Variants in CAV2 observed in about 807,000 individuals in gnomAD.
The protein encoded by CAV2 is caveolin 2.
A neutral mutation model predicts 15.5 loss-of-function variants in CAV2; 7 were observed. The ratio of observed to expected loss-of-function variants is 0.45; its 90% CI spans 0.26 to 0.85. The LOEUF is 0.85. Among genes scored for constraint, CAV2 ranks in the 40% least tolerant of loss-of-function variants. The pLI, the probability that CAV2 is intolerant of heterozygous loss-of-function variation, is 0.18. For synonymous variants in CAV2, 76 were observed against 83.1 expected, an observed-to-expected ratio of 0.91 and a Z score of 0.46; for missense variants, 229 against 208.8, an observed-to-expected ratio of 1.10 and a Z score of -0.60.
In CAV2 at chr7:116,506,212, C is replaced by A; in HGVS notation, c.*91C>A. On this transcript the variant is annotated 3_prime_UTR_variant, in exon 3 of 3. Coordinates refer to ENST00000222693, the MANE Select transcript of CAV2 (RefSeq NM_001233.5). ...CACCACTGTTCTGTTCATTTCCTAG[C>A]TGTTCTAATTAAGAAAACTATTAAG... 2 of 1,282,322 alleles carry A rather than the reference C, an allele frequency of 1.6e-6. No individual in the cohort carries two copies. Among genetic ancestry groups the A allele is most frequent in the South Asian group, 1.5e-5 (1 of 66,126 alleles). 79.4% of individuals were successfully genotyped at this position (1,282,322 alleles called of 1,614,324 possible).
chr7:116,506,171 T>C lies in CAV2; in HGVS notation c.*50T>C, dbSNP rs1192326600. 1 of 1,583,948 alleles carries C rather than the reference T, an allele frequency of 6.3e-7. No individual in the cohort carries two copies. The highest frequency in any genetic ancestry group is 1.1e-5 in the South Asian group (1 of 89,522). On this transcript the variant is annotated 3_prime_UTR_variant, in exon 3 of 3. Transcript: ENST00000222693. ...TTGGGATACTGTAATACTTCTTTGT[T>C]ATTATAACATAAAAGCACCACTGTT... is the stretch of plus-strand genomic sequence containing the variant.
chr7:116,505,319 A>G (rs944423770), intron 2 of CAV2, among the ~76,000 whole-genome samples: 1 of 152,196 alleles, frequency 6.6e-6, no homozygotes, highest in East Asian at 1.9e-4. Flanking sequence ...ACTGTTTCAG[A>G]TAGCATGCCA....
At chr7:116,503,903 G>GAGGAAGGAAGGA (rs1171101333) in intron 2 of CAV2, among the ~76,000 whole-genome samples, 730 of 29,504 alleles carry the variant, frequency 0.025, 22 homozygotes, top group African/African-American at 0.074. Flanking sequence ...GGGAGGGAGG[G>GAGGAAGGAAGGA]AGGGAGGGAG....
intron 2 of CAV2, among the ~76,000 whole-genome samples, chr7:116,502,809 G>A (rs1006205130): frequency 2.0e-5 from 3 of 152,080 alleles, no homozygotes; most frequent in Admixed American, 6.6e-5. Context: ...CCAGAAGTAC[G>A]GGCCATTAGG....
intron 2 of CAV2, among the ~76,000 whole-genome samples, chr7:116,501,970 C>T (rs952117115): frequency 4.6e-5 from 7 of 152,078 alleles, no homozygotes; most frequent in African/African-American, 7.2e-5. Context: ...TGAGTTGGCA[C>T]ATAAGATTTG....
chr7:116,504,104 C>G (rs2116130985), intron 2 of CAV2, among the ~76,000 whole-genome samples: 1 of 152,224 alleles, frequency 6.6e-6, no homozygotes, highest in Non-Finnish European at 1.5e-5. Flanking sequence ...GGTTAGGAAA[C>G]TTTCTGATCT....
At chr7:116,504,050 G>GAAAGAGAA (rs57721116) in intron 2 of CAV2, among the ~76,000 whole-genome samples, 5 of 150,820 alleles carry the variant, frequency 3.3e-5, no homozygotes, top group South Asian at 2.1e-4. Flanking sequence ...AAGAAAGAAA[G>GAAAGAGAA]AGAAAGAAAG....
Position 116,505,908 on chromosome 7 carries a change from T to C in CAV2, c.339-63T>C, listed in dbSNP as rs935609241. 12 of 1,179,816 alleles carry C rather than the reference T, an allele frequency of 1.0e-5. No individual in the cohort carries two copies. In the Admixed American group the frequency reaches 2.3e-4, roughly 22 times the overall value. 73.1% of individuals were successfully genotyped at this position (1,179,816 alleles called of 1,614,324 possible). A position where few individuals can be genotyped will look rare whatever the true frequency, so the allele number is the denominator to read the frequency against. Reference sequence around the variant, plus strand: ...TCAGTATTTTATCTTTTCATACATGTACAAGACAGACCTTATTTGGTAACA... The same window carrying C: ...TCAGTATTTTATCTTTTCATACATGCACAAGACAGACCTTATTTGGTAACA... On this transcript the variant is annotated intron_variant, in intron 2 of 2. Transcript: ENST00000222693.
In CAV2 at chr7:116,499,834, C is replaced by T. The variant is rs1375677493; in HGVS notation, c.53C>T (p.Ser18Phe). 19 of 1,606,224 alleles carry T rather than the reference C, an allele frequency of 1.2e-5. No individual in the cohort carries two copies. Among genetic ancestry groups the T allele is most frequent in the Non-Finnish European group, 1.5e-5 (18 of 1,177,440 alleles). The change falls in exon 1 of 3, where the codon TCC becomes TTC. Residue 18 changes from serine (S) to phenylalanine (F), a missense_variant. Physicochemically the swap from Ser to Phe is radical, Grantham distance 155. Coordinates refer to ENST00000222693, the MANE Select transcript of CAV2 (RefSeq NM_001233.5). ...GTACAGCTCTTCATGGACGACGACT[C>T]CTACAGCCACCACAGCGGCCTCGAG... is the stretch of plus-strand genomic sequence containing the variant. ...ADVQLFMDDD[S>F]YSHHSGLEYA...
chr7:116,506,132 C>T lies in CAV2; in HGVS notation c.*11C>T, dbSNP rs1039433332. The T allele has an allele frequency of 3.1e-6, 5 of 1,613,604 alleles. No individual in the cohort carries two copies. The African/African-American group carries it at 5.3e-5, about 17-fold the overall frequency. ...CTGAGCCAGGATTGAATACTTGGAC[C>T]CCAGGTCTGGAGATTGGGATACTGT... On this transcript the variant is annotated 3_prime_UTR_variant, in exon 3 of 3. Transcript: ENST00000222693.
chr7:116,504,948 C>G (rs1399002444), intron 2 of CAV2, among the ~76,000 whole-genome samples: 2 of 152,066 alleles, frequency 1.3e-5, no homozygotes, highest in Non-Finnish European at 2.9e-5. Flanking sequence ...AAATATAAAA[C>G]ATAGTTAATA....
Position 116,499,738 on chromosome 7 carries a change from G to A in CAV2, c.-44G>A, listed in dbSNP as rs376062322. The A allele has an allele frequency of 1.4e-5, 21 of 1,450,672 alleles. No individual in the cohort carries two copies. The highest frequency in any genetic ancestry group is 1.7e-5 in the Non-Finnish European group (19 of 1,098,726). The allele number at this position is 1,450,672 out of a possible 1,614,324, so 89.9% of individuals were successfully genotyped here. On this transcript the variant is annotated 5_prime_UTR_variant, in exon 1 of 3. Transcript: ENST00000222693. ...GGGGAGGCCGCGCGGACCGGGAGCC[G>A]CACCGCGCCAGCCGGGCTGCAGCGG... is the stretch of plus-strand genomic sequence containing the variant.
rs1054957707 is a variant in CAV2, at chr7:116,507,024, T to G, written c.*903T>G. On this transcript the variant is annotated 3_prime_UTR_variant, in exon 3 of 3. Transcript: ENST00000222693. ...CTGTGATCTTAAAATAATTCATATCTAAATAGTATTTTGTCTAGGAGATGC... is the reference window on the plus strand; with the variant it reads ...CTGTGATCTTAAAATAATTCATATCGAAATAGTATTTTGTCTAGGAGATGC... The G allele has an allele frequency of 1.3e-5, 2 of 152,646 alleles. No individual in the cohort carries two copies. The highest frequency in any genetic ancestry group is 2.9e-5 in the Non-Finnish European group (2 of 68,034). The allele number at this position is 152,646 out of a possible 1,614,324, so 9.5% of individuals were successfully genotyped here. A position where few individuals can be genotyped will look rare whatever the true frequency, so the allele number is the denominator to read the frequency against.
In CAV2 at chr7:116,508,519, A is replaced by G. The variant is rs1337691185; in HGVS notation, c.*2398A>G. 1 of 152,220 alleles carries G rather than the reference A, an allele frequency of 6.6e-6. No individual in the cohort carries two copies. The highest frequency in any genetic ancestry group is 1.9e-4 in the East Asian group (1 of 5,206). 9.4% of individuals were successfully genotyped at this position (152,220 alleles called of 1,614,324 possible). On this transcript the variant is annotated 3_prime_UTR_variant, in exon 3 of 3. Transcript: ENST00000222693. Reference sequence around the variant, plus strand: ...ATGATGAGCAGACTTCTCGGAATTCATAATAAATTTTCTAAAAGCCTACAA... The same window carrying G: ...ATGATGAGCAGACTTCTCGGAATTCGTAATAAATTTTCTAAAAGCCTACAA...
intron 2 of CAV2, among the ~76,000 whole-genome samples, chr7:116,501,746 T>A (rs1343005767): frequency 6.6e-6 from 1 of 152,116 alleles, no homozygotes; most frequent in Non-Finnish European, 1.5e-5. Flanking sequence ...AAAAAGACTT[T>A]GAAAGGATAA....
At chr7:116,505,277 G>T (rs568498560) in intron 2 of CAV2, among the ~76,000 whole-genome samples, 1 of 152,312 alleles carries the variant, frequency 6.6e-6, no homozygotes, top group South Asian at 2.1e-4. Context: ...AGACCAGGTA[G>T]ATAAAGACAT....
chr7:116,504,855 A>C (rs1278584255), intron 2 of CAV2, among the ~76,000 whole-genome samples: 1 of 152,216 alleles, frequency 6.6e-6, no homozygotes, highest in Non-Finnish European at 1.5e-5. Context: ...TCTTGTGTAA[A>C]AGTTCTAACA....
rs374171528 is a variant in CAV2 at position 116,500,927 on chromosome 7, TGTGG to T, written c.338+481_338+484del. ...GATGTCAGACCTGGTTAAGCAGTAG[TGTGG>T]AGGGGCTGCTTCAACTTTGCCCCTG... On this transcript the variant is annotated intron_variant, in intron 2 of 2. Coordinates refer to ENST00000222693, the MANE Select transcript of CAV2 (RefSeq NM_001233.5). 4.6e-3 allele frequency: 711 copies of T among 155,432 alleles called. 5 individuals are homozygous for T. Among genetic ancestry groups the T allele is most frequent in the African/African-American group, 0.016 (683 of 41,568 alleles). The allele number at this position is 155,432 out of a possible 1,614,324, so 9.6% of individuals were successfully genotyped here. A position where few individuals can be genotyped will look rare whatever the true frequency, so the allele number is the denominator to read the frequency against.
At chr7:116,501,822 T>C (rs1330956149) in intron 2 of CAV2, among the ~76,000 whole-genome samples, 2 of 152,234 alleles carry the variant, frequency 1.3e-5, no homozygotes, top group Non-Finnish European at 2.9e-5. Flanking sequence ...CACTAAAGGT[T>C]GTAAACAATT....
Sources: gnomAD v4.1 joint callset for allele counts (sites outside exome capture counted in the v4.1 genomes callset) on GRCh38, gnomAD v4.1.1 for gene constraint, MANE v1.5 for transcripts, NCBI Gene and HGNC (gene_info 2026-07-23, HGNC 2026-07-21) for gene names.